Variants in SPATA6 observed in about 807,000 individuals in gnomAD.
The protein encoded by SPATA6 is spermatogenesis associated 6.
SPATA6 carries 56 observed loss-of-function variants against 65.3 expected under a neutral mutation model. The observed-to-expected ratio is 0.86, with a 90% CI of 0.69 to 1.07. SPATA6 has a LOEUF of 1.07. Among genes scored for constraint, SPATA6 ranks in the 50% least tolerant of loss-of-function variants. SPATA6 has a pLI of 0.00. For synonymous variants in SPATA6, 199 were observed against 213.2 expected (o/e 0.93, Z 0.58); for missense variants, 590 against 594.8 (o/e 0.99, Z 0.08).
At chr1:48,397,129 A>T (rs768063915) in intron 7 of SPATA6, among the ~76,000 whole-genome samples, 1 of 151,660 alleles carries the variant, frequency 6.6e-6, no homozygotes, top group South Asian at 2.1e-4. Context: ...TTGTATAATT[A>T]TATTTATATG....
intron 3 of SPATA6, among the ~76,000 whole-genome samples, chr1:48,422,845 A>T (rs1653472430): frequency 6.6e-6 from 1 of 152,192 alleles, no homozygotes; most frequent in African/African-American, 2.4e-5. Context: ...CAGAAATTTC[A>T]CCCATAAGAA....
rs1255030321 is a variant in SPATA6 at position 48,296,801 on chromosome 1, G to A, written c.*1912C>T. On this transcript the variant is annotated 3_prime_UTR_variant, in exon 13 of 13. Transcript: ENST00000371847. ...TCCACATGTACCTTAGGATGACATTGGCAGGTAGTGTGAGGAGCTAGGGGA... is the reference window on the plus strand; with the variant it reads ...TCCACATGTACCTTAGGATGACATTAGCAGGTAGTGTGAGGAGCTAGGGGA... 6.6e-6 allele frequency: 1 copy of A among 152,062 alleles called. No homozygotes were observed. The highest frequency in any genetic ancestry group is 1.9e-4 in the East Asian group (1 of 5,188). 9.4% of individuals were successfully genotyped at this position (152,062 alleles called of 1,614,324 possible). A position where few individuals can be genotyped will look rare whatever the true frequency, so the allele number is the denominator to read the frequency against.
intron 8 of SPATA6, among the ~76,000 whole-genome samples, chr1:48,387,325 C>G (rs893280186): frequency 4.6e-5 from 7 of 152,068 alleles, no homozygotes; most frequent in African/African-American, 1.2e-4. Flanking sequence ...CATGACTGAG[C>G]CTTTGGGACT....
At position 48,452,979 on chromosome 1, in the gene SPATA6, G is replaced by A. The variant is rs754380663; in HGVS notation, c.189+15C>T. 5.0e-6 allele frequency: 8 copies of A among 1,608,116 alleles called. No homozygotes were observed. In the South Asian group the frequency reaches 9.0e-5, roughly 18 times the overall value. On this transcript the variant is annotated intron_variant, in intron 2 of 12. Coordinates refer to ENST00000371847, the MANE Select transcript of SPATA6 (RefSeq NM_019073.4). ...TGTTTTGTTTGTTAATACTTGATCTGATATTTGAACTCACCTTTTCAAACA... is the reference window on the plus strand; with the variant it reads ...TGTTTTGTTTGTTAATACTTGATCTAATATTTGAACTCACCTTTTCAAACA...
intron 3 of SPATA6, among the ~76,000 whole-genome samples, chr1:48,423,986 T>C (rs1653604724): frequency 6.6e-6 from 1 of 152,210 alleles, no homozygotes. Context: ...CAAGCATTTA[T>C]CCTTTGAGTT....
downstream of SPATA6, among the ~76,000 whole-genome samples, chr1:48,291,673 C>T (rs1276092094): frequency 1.3e-5 from 2 of 152,196 alleles, no homozygotes; most frequent in African/African-American, 2.4e-5. Context: ...CTACAAGCAT[C>T]CCAGCTGAGA....
intron 3 of SPATA6, 35 bp from the exon 4 acceptor site, chr1:48,413,186 AAATT>A (rs1652427465): frequency 2.4e-6 from 3 of 1,276,246 alleles, no homozygotes; most frequent in African/African-American, 3.2e-5. Flanking sequence ...TTAAATAAAC[AAATT>A]AATAACAAAA....
chr1:48,442,414 A>G (rs1048895884), intron 3 of SPATA6, among the ~76,000 whole-genome samples: 2 of 152,130 alleles, frequency 1.3e-5, no homozygotes, highest in Non-Finnish European at 2.9e-5. Flanking sequence ...GCAGTGCAAA[A>G]ACCCAAAGAG....
At chr1:48,317,365 A>T (rs1438812149) in intron 11 of SPATA6, among the ~76,000 whole-genome samples, 3 of 152,210 alleles carry the variant, frequency 2.0e-5, no homozygotes, top group African/African-American at 7.2e-5. Flanking sequence ...TGATGAGTTC[A>T]TGTCCTTTGT....
chr1:48,302,338 A>C (rs1644959293), intron 12 of SPATA6, among the ~76,000 whole-genome samples: 1 of 152,190 alleles, frequency 6.6e-6, no homozygotes, highest in Non-Finnish European at 1.5e-5. Context: ...ACTAACCAAC[A>C]GGTATTTTTT....
the SPATA6 span, among the ~76,000 whole-genome samples, chr1:48,273,442 A>C: frequency 3.3e-5 from 5 of 152,282 alleles, no homozygotes; most frequent in Non-Finnish European, 7.4e-5. Context: ...TACTGGACCC[A>C]TCAACCAGTC....
intron 9 of SPATA6, among the ~76,000 whole-genome samples, chr1:48,365,521 T>C (rs1006065931): frequency 6.6e-6 from 1 of 152,202 alleles, no homozygotes; most frequent in Non-Finnish European, 1.5e-5. Context: ...TCACATCCCT[T>C]GTAAGTTGGA....
intron 11 of SPATA6, among the ~76,000 whole-genome samples, chr1:48,334,272 T>C (rs1192678806): frequency 6.6e-6 from 1 of 151,738 alleles, no homozygotes; most frequent in African/African-American, 2.4e-5. Context: ...CCTCCTCAAC[T>C]CATTCAATGA....
the SPATA6 span, among the ~76,000 whole-genome samples, chr1:48,283,077 G>A: frequency 1.8e-4 from 27 of 150,272 alleles, no homozygotes; most frequent in African/African-American, 4.9e-4. Flanking sequence ...GTAAACTATC[G>A]CAAGAACAAA....
intron 3 of SPATA6, among the ~76,000 whole-genome samples, chr1:48,422,504 C>G (rs1228571098): frequency 8.6e-5 from 13 of 152,016 alleles, no homozygotes; most frequent in Admixed American, 8.5e-4. Flanking sequence ...TGGATAGGGC[C>G]CCCAGAAGAC....
chr1:48,315,650 C>T (rs998148341), intron 11 of SPATA6, among the ~76,000 whole-genome samples: 4 of 152,194 alleles, frequency 2.6e-5, no homozygotes, highest in African/African-American at 7.2e-5. Context: ...TGCCCTCTCT[C>T]ACCACTCCTA....
chr1:48,299,516 G>GAAAAAAAAAAAAA (rs58072004), intron 12 of SPATA6, among the ~76,000 whole-genome samples: 1,405 of 38,160 alleles, frequency 0.037, 295 homozygotes, highest in Non-Finnish European at 0.053. Context: ...CTCCGTCTCG[G>GAAAAAAAAAAAAA]AAAAAAAAAA....
At chr1:48,294,875 C>A (rs1257937528), downstream of SPATA6, among the ~76,000 whole-genome samples, 2 of 152,232 alleles carry the variant, frequency 1.3e-5, no homozygotes. Context: ...CCTGATCAAT[C>A]ATGCTCCCTC....
chr1:48,461,849 T>C (rs1451327581), intron 1 of SPATA6, among the ~76,000 whole-genome samples: 1 of 152,224 alleles, frequency 6.6e-6, no homozygotes, highest in East Asian at 1.9e-4. Context: ...ACTGGGTATA[T>C]ACCCAAAGGA....
Sources: gnomAD v4.1 joint callset for allele counts (sites outside exome capture counted in the v4.1 genomes callset) on GRCh38, gnomAD v4.1.1 for gene constraint, MANE v1.5 for transcripts, NCBI Gene and HGNC (gene_info 2026-07-23, HGNC 2026-07-21) for gene names.